FHDC1: variants seen among roughly 807,000 people sequenced by gnomAD.
The protein encoded by FHDC1 is FH2 domain containing 1, also known as FH2 domain-containing protein 1.
FHDC1 carries 25 observed loss-of-function variants against 52.6 expected under a neutral mutation model. The observed-to-expected ratio is 0.48, with a 90% CI of 0.35 to 0.66. FHDC1 has a LOEUF of 0.66. Ranked by LOEUF, FHDC1 falls within the 30% of genes least tolerant of loss-of-function variation. FHDC1 has a pLI of 0.01. For synonymous variants in FHDC1, 616 were observed against 581.5 expected, an observed-to-expected ratio of 1.06 and a Z score of -0.85; for missense variants, 1,459 against 1,452.8, an observed-to-expected ratio of 1.00 and a Z score of -0.07.
chr4:152,965,094 G>T, intron 9 of FHDC1, 119 bp downstream of exon 9: 1 of 945,724 alleles, frequency 1.1e-6, no homozygotes, highest in Non-Finnish European at 1.6e-6. Context: ...TGAACTTTCA[G>T]ACTGTCCTTC....
rs757984746 is a variant in FHDC1, at chr4:152,943,548, G to T, written c.491G>T (p.Arg164Leu). 2.5e-6 allele frequency: 4 copies of T among 1,610,866 alleles called. No individual in the cohort carries two copies. The African/African-American group carries it at 5.4e-5, about 22-fold the overall frequency. Residue 164 changes from arginine (R) to leucine (L), a missense_variant, in exon 2 of 12, where the codon CGA (arginine) becomes CTA (leucine). Around this residue, in one of 3 missense-constraint regions of FHDC1, gnomAD observed 513 missense variants for 581.5 expected, o/e 0.88. Transcript: ENST00000511601. ...RTLNSSFREA[R>L]EEITILDAKR... Reference sequence around the variant, plus strand: ...TTAAATTCATCCTTCAGAGAAGCTCGAGAAGAGGTAAGAATGCAAGGTGGA... The same window carrying T: ...TTAAATTCATCCTTCAGAGAAGCTCTAGAAGAGGTAAGAATGCAAGGTGGA...
the FHDC1 span, among the ~76,000 whole-genome samples, chr4:152,924,107 A>T: frequency 6.6e-6 from 1 of 151,962 alleles, no homozygotes; most frequent in African/African-American, 2.4e-5. Flanking sequence ...CAACCTACTC[A>T]TCTGACAAAG....
chr4:152,969,015 G>C (rs1451510705), intron 10 of FHDC1, among the ~76,000 whole-genome samples: 1 of 151,922 alleles, frequency 6.6e-6, no homozygotes, highest in East Asian at 1.9e-4. Flanking sequence ...ACAGCAGAGT[G>C]GACATGTTTG....
chr4:152,949,118 T>TAAGAAG (rs758697130), intron 2 of FHDC1, among the ~76,000 whole-genome samples: 1,033 of 75,614 alleles, frequency 0.014, 5 homozygotes, highest in Middle Eastern at 0.022. Flanking sequence ...ATAATAATAA[T>TAAGAAG]AATAATAAGA....
rs1444648000 is a variant in FHDC1, at chr4:152,975,076, C to G, written c.1785C>G (p.Asp595Glu). ...AGCCTGCAGAAGTGAGGCACCAGGA[C>G]TCCAGCTTTGCACACAAACCTCAGG... Reference protein sequence around the residue: ...CLEPAEVRHQDSSFAHKPQAS... With the variant: ...CLEPAEVRHQESSFAHKPQAS... Residue 595 changes from aspartate to glutamate, a missense_variant, in exon 12 of 12, where the codon GAC becomes GAG. This residue lies in a region of FHDC1 where 939 missense variants were observed against 854.5 expected (regional missense o/e 1.10). Coordinates refer to ENST00000511601, the MANE Select transcript of FHDC1 (RefSeq NM_001371116.1). 6.2e-7 allele frequency: 1 copy of G among 1,612,566 alleles called. No homozygotes were observed. The highest frequency in any genetic ancestry group is 1.7e-5 in the Admixed American group (1 of 60,018).
intron 7 of FHDC1, 42 bp downstream of exon 7, chr4:152,962,926 C>G (rs777165071): frequency 1.4e-5 from 21 of 1,533,334 alleles, no homozygotes; most frequent in Non-Finnish European, 1.8e-5. Context: ...TGTTTTCAAC[C>G]TTGTCTATCT....
At chr4:152,953,380 C>A in intron 2 of FHDC1, 119 bp from the exon 3 acceptor site, 1 of 733,118 alleles carries the variant, frequency 1.4e-6, no homozygotes, top group Non-Finnish European at 2.3e-6. Flanking sequence ...CAGATTTATA[C>A]ATTGGGAATT....
At chr4:152,957,327 C>A (rs1430848678) in intron 4 of FHDC1, among the ~76,000 whole-genome samples, 1 of 152,182 alleles carries the variant, frequency 6.6e-6, no homozygotes, top group Non-Finnish European at 1.5e-5. Context: ...ATAAAAAAAT[C>A]AATCATAGCT....
intron 8 of FHDC1, among the ~76,000 whole-genome samples, chr4:152,963,605 G>A (rs1402501878): frequency 6.6e-6 from 1 of 151,866 alleles, no homozygotes; most frequent in Non-Finnish European, 1.5e-5. Flanking sequence ...TGGTCATAGG[G>A]ACAGAGAATA....
the FHDC1 span, among the ~76,000 whole-genome samples, chr4:152,930,746 T>A: frequency 1.3e-5 from 2 of 152,290 alleles, no homozygotes; most frequent in South Asian, 4.1e-4. Flanking sequence ...ACTGGTTTAT[T>A]ATTTGCTACC....
At chr4:152,914,223 C>G in the FHDC1 span, among the ~76,000 whole-genome samples, 1 of 152,138 alleles carries the variant, frequency 6.6e-6, no homozygotes, top group East Asian at 1.9e-4. Context: ...TGAGGACTTT[C>G]ATTAAATTCA....
Position 152,975,003 on chromosome 4 carries a change from T to C in FHDC1, c.1712T>C (p.Leu571Pro). The change falls in exon 12 of 12, where the codon CTG becomes CCG. Residue 571 changes from leucine (L) to proline (P), a missense_variant. Leu to Pro is a moderately conservative substitution (Grantham distance 98). Coordinates refer to ENST00000511601, the MANE Select transcript of FHDC1 (RefSeq NM_001371116.1). ...GAGGAGCCCAATAAGTTCCACAGCCTGCCCCGGAGCAGCCCCCGGCAGGCC... is the reference window on the plus strand; with the variant it reads ...GAGGAGCCCAATAAGTTCCACAGCCCGCCCCGGAGCAGCCCCCGGCAGGCC... The part of the protein sequence containing the change: ...SPEEPNKFHS[L>P]PRSSPRQARP... 3.1e-6 allele frequency: 5 copies of C among 1,612,540 alleles called. No homozygotes were observed. Among genetic ancestry groups the C allele is most frequent in the Non-Finnish European group, 4.2e-6 (5 of 1,179,820 alleles).
the FHDC1 span, among the ~76,000 whole-genome samples, chr4:152,923,864 G>T: frequency 6.6e-6 from 1 of 152,072 alleles, no homozygotes; most frequent in South Asian, 2.1e-4. Context: ...ATTCAAGATG[G>T]ATTAAAGACT....
chr4:152,974,276 C>G lies in FHDC1; in HGVS notation c.1384-399C>G, dbSNP rs1002150401. On this transcript the variant is annotated intron_variant, in intron 11 of 11. Coordinates refer to ENST00000511601, the MANE Select transcript of FHDC1 (RefSeq NM_001371116.1). Reference sequence around the variant, plus strand: ...TCCTGGAAGTCCTCTGTGTCTTATACTGCTCAGAAACAGAGTTGGCTTTCC... The same window carrying G: ...TCCTGGAAGTCCTCTGTGTCTTATAGTGCTCAGAAACAGAGTTGGCTTTCC... Among the ~76,000 whole-genome samples, 4 of 152,206 alleles carry G rather than the reference C, an allele frequency of 2.6e-5. No individual in the cohort carries two copies. The East Asian group carries it at 7.7e-4, about 29-fold the overall frequency.
intron 2 of FHDC1, among the ~76,000 whole-genome samples, chr4:152,946,520 G>C (rs776093109): frequency 1.3e-5 from 2 of 152,110 alleles, no homozygotes; most frequent in Non-Finnish European, 2.9e-5. Flanking sequence ...AACTCAGCAG[G>C]GTTCTTGTCT....
Position 152,976,415 on chromosome 4 carries a change from T to G in FHDC1, c.3124T>G (p.Ser1042Ala), listed in dbSNP as rs143103246. The G allele has an allele frequency of 1.1e-4, 184 of 1,613,646 alleles. No homozygotes were observed. In the African/African-American group the frequency reaches 1.6e-3, roughly 14 times the overall value. ...GAGCTTTGCCCGGAACACAGTGGCC[T>G]CCTCCTCTCGAAGCATGAGAACAGA... is the stretch of plus-strand genomic sequence containing the variant. Reference protein sequence around the residue: ...VPSFARNTVASSSRSMRTDLP... With the variant: ...VPSFARNTVAASSRSMRTDLP... Residue 1042 changes from serine (S) to alanine (A), a missense_variant, in exon 12 of 12, where the codon TCC (serine) becomes GCC (alanine). Around this residue, in one of 3 missense-constraint regions of FHDC1, gnomAD observed 939 missense variants for 854.5 expected, o/e 1.10. Transcript: ENST00000511601.
chr4:152,915,682 A>G, the FHDC1 span, among the ~76,000 whole-genome samples: 2 of 152,210 alleles, frequency 1.3e-5, no homozygotes, highest in Non-Finnish European at 2.9e-5. Flanking sequence ...GCAGAATTAG[A>G]GAAATCACCA....
intron 4 of FHDC1, among the ~76,000 whole-genome samples, chr4:152,954,980 G>A (rs934301894): frequency 1.3e-5 from 2 of 152,096 alleles, no homozygotes; most frequent in Admixed American, 1.3e-4. Context: ...ATCTAACATG[G>A]CACTTGGCAC....
chr4:152,920,266 G>A, the FHDC1 span, among the ~76,000 whole-genome samples: 3 of 152,028 alleles, frequency 2.0e-5, no homozygotes, highest in Non-Finnish European at 2.9e-5. Context: ...CTTTATTATA[G>A]TATCTATTTT....
Sources: gnomAD v4.1 joint callset for allele counts (sites outside exome capture counted in the v4.1 genomes callset) on GRCh38, gnomAD v4.1.1 for gene constraint, gnomAD v4.1.1 regional missense constraint, MANE v1.5 for transcripts, NCBI Gene and HGNC (gene_info 2026-07-23, HGNC 2026-07-21) for gene names.